The following ZNF474 variants were observed in gnomAD, a reference collection of about 807,000 sequenced individuals.
ZNF474 encodes the protein 4933409D10Rik.
For missense variants in ZNF474, 511 were observed against 433.8 expected (o/e 1.18, Z -1.58); for synonymous variants, 192 against 162.2 (o/e 1.18, Z -1.39).
rs1179914062 is a variant in ZNF474, at chr5:122,153,431, T to C, written c.*346T>C. ...TCCAACAGCCAATATTTATTGTCGG[T>C]TTATTTTAGTCATCTACCTTAGGAA... is the stretch of plus-strand genomic sequence containing the variant. On this transcript the variant is annotated 3_prime_UTR_variant, in exon 2 of 2. Coordinates refer to ENST00000296600, the MANE Select transcript of ZNF474 (RefSeq NM_207317.3). 8.9e-6 allele frequency: 2 copies of C among 224,528 alleles called. No homozygotes were observed. The highest frequency in any genetic ancestry group is 1.9e-5 in the Non-Finnish European group (2 of 106,112). The allele number at this position is 224,528 out of a possible 1,614,324, so 13.9% of individuals were successfully genotyped here. A position where few individuals can be genotyped will look rare whatever the true frequency, so the allele number is the denominator to read the frequency against.
At position 122,153,311 on chromosome 5, in the gene ZNF474, T is replaced by C. The variant is rs1479858114; in HGVS notation, c.*226T>C. On this transcript the variant is annotated 3_prime_UTR_variant, in exon 2 of 2. Coordinates refer to ENST00000296600, the MANE Select transcript of ZNF474 (RefSeq NM_207317.3). ...AAGAAGAAGAGATGGACTTCTTTCTTCCCTGATCCCTGATACAAATAATCC... is the reference window on the plus strand; with the variant it reads ...AAGAAGAAGAGATGGACTTCTTTCTCCCCTGATCCCTGATACAAATAATCC... 2.0e-6 allele frequency: 1 copy of C among 490,208 alleles called. No individual in the cohort carries two copies. Among genetic ancestry groups the C allele is most frequent in the Non-Finnish European group, 3.6e-6 (1 of 276,488 alleles). The allele number at this position is 490,208 out of a possible 1,614,324, so 30.4% of individuals were successfully genotyped here.
At chr5:122,138,186 A>T (rs1755753464) in intron 1 of ZNF474, among the ~76,000 whole-genome samples, 1 of 152,230 alleles carries the variant, frequency 6.6e-6, no homozygotes, top group African/African-American at 2.4e-5. Flanking sequence ...AAAATATAAG[A>T]AGATGATAGA....
intron 1 of ZNF474, among the ~76,000 whole-genome samples, chr5:122,141,300 A>ACTTTTTTTTTTTTTTT (rs1755839307): frequency 4.7e-5 from 3 of 64,360 alleles, no homozygotes; most frequent in South Asian, 1.6e-3. Flanking sequence ...ACCCCTGGCT[A>ACTTTTTTTTTTTTTTT]TTTTTTTTTT....
chr5:122,152,275 G>C lies in ZNF474; in HGVS notation c.285G>C (p.Arg95=). ...PVIPARRPGF[R]VCYICGREFG... is the part of the protein sequence containing the mutation. ...TCCCGGCCCGCAGGCCTGGATTCCG[G>C]GTATGCTATATCTGTGGCCGAGAAT... is the stretch of plus-strand genomic sequence containing the variant. The change falls in exon 2 of 2, where the codon CGG becomes CGC. Residue 95 remains arginine, a synonymous_variant. Coordinates refer to ENST00000296600, the MANE Select transcript of ZNF474 (RefSeq NM_207317.3). 6.2e-7 allele frequency: 1 copy of C among 1,614,176 alleles called. No individual in the cohort carries two copies.
Position 122,152,948 on chromosome 5 carries a change from T to C in ZNF474, c.958T>C (p.Leu320=). 1 of 1,614,036 alleles carries C rather than the reference T, an allele frequency of 6.2e-7. No individual in the cohort carries two copies. Among genetic ancestry groups the C allele is most frequent in the Non-Finnish European group, 8.5e-7 (1 of 1,180,032 alleles). ...TGGGCCAAAATATCAGAATTTGAAT[T>C]TAGGGAGTAAAGGAGGCCTAAAAGA... ...PYGPKYQNLN[L]GSKGGLKEYT... The change falls in exon 2 of 2, where the codon TTA becomes CTA. Residue 320 remains leucine (L), a synonymous_variant. Transcript: ENST00000296600.
In ZNF474 at chr5:122,149,294, T is replaced by C. The variant is rs181038423; in HGVS notation, c.-212-2485T>C. ...ATGTACCCCGAACCTATAATAAAAG[T>C]TGAAGAAAAAAAGTCCCCTGTCACT... On this transcript the variant is annotated intron_variant, in intron 1 of 1. Transcript: ENST00000296600. Among the ~76,000 whole-genome samples, 154 of 152,238 alleles carry C rather than the reference T, an allele frequency of 1.0e-3. 1 individual carries two copies. Among genetic ancestry groups the C allele is most frequent in the African/African-American group, 3.5e-3 (147 of 41,538 alleles).
intron 1 of ZNF474, among the ~76,000 whole-genome samples, chr5:122,150,700 T>C (rs374282182): frequency 2.6e-4 from 40 of 152,290 alleles, no homozygotes; most frequent in East Asian, 1.9e-3. Context: ...TAAAATTTAC[T>C]CATAACTTTT....
At chr5:122,148,274 G>A (rs1265906876) in intron 1 of ZNF474, among the ~76,000 whole-genome samples, 3 of 152,208 alleles carry the variant, frequency 2.0e-5, no homozygotes, top group African/African-American at 7.2e-5. Flanking sequence ...CTGGCTTCCA[G>A]CTACCTCATC....
At chr5:122,131,405 C>G (rs1051392487) in intron 1 of ZNF474, among the ~76,000 whole-genome samples, 1 of 152,010 alleles carries the variant, frequency 6.6e-6, no homozygotes, top group Non-Finnish European at 1.5e-5. Flanking sequence ...TATGTGGTAA[C>G]AAATTATCTA....
intron 1 of ZNF474, among the ~76,000 whole-genome samples, chr5:122,136,400 C>T (rs1207271856): frequency 2.6e-5 from 4 of 152,172 alleles, no homozygotes; most frequent in Non-Finnish European, 4.4e-5. Flanking sequence ...ATAAACTTAG[C>T]TCAGGGAAGC....
At chr5:122,138,644 C>A (rs908766364) in intron 1 of ZNF474, among the ~76,000 whole-genome samples, 3 of 152,160 alleles carry the variant, frequency 2.0e-5, no homozygotes, top group African/African-American at 7.2e-5. Context: ...CATATCATCA[C>A]TAAATAAGTG....
chr5:122,148,595 C>T (rs559538824), intron 1 of ZNF474, among the ~76,000 whole-genome samples: 2 of 152,232 alleles, frequency 1.3e-5, no homozygotes, highest in South Asian at 4.2e-4. Flanking sequence ...GCCCCATTCC[C>T]CCAACTGGTC....
intron 1 of ZNF474, among the ~76,000 whole-genome samples, chr5:122,147,409 T>C (rs1438247425): frequency 6.6e-6 from 1 of 152,190 alleles, no homozygotes; most frequent in African/African-American, 2.4e-5. Flanking sequence ...AGTTCTAGGG[T>C]AAATGTGCAC....
chr5:122,136,646 T>A (rs191445289), intron 1 of ZNF474, among the ~76,000 whole-genome samples: 1 of 152,222 alleles, frequency 6.6e-6, no homozygotes, highest in African/African-American at 2.4e-5. Context: ...AGTATAGTTA[T>A]GCTTTTAAAG....
At chr5:122,129,905 G>A (rs1271651704) in intron 1 of ZNF474, among the ~76,000 whole-genome samples, 3 of 152,112 alleles carry the variant, frequency 2.0e-5, no homozygotes, top group African/African-American at 4.8e-5. Flanking sequence ...AAAATCTCAA[G>A]TATTACTAAA....
chr5:122,151,871 G>A lies in ZNF474; in HGVS notation c.-120G>A. ...TCTGAGTCACGGTCTGTGAGGCTAA[G>A]GTACTGGCAACGGTGTGAACCCCAG... On this transcript the variant is annotated 5_prime_UTR_variant, in exon 2 of 2. Transcript: ENST00000296600. 6.4e-6 allele frequency: 8 copies of A among 1,253,700 alleles called. No individual in the cohort carries two copies. The South Asian group carries it at 1.2e-4, about 19-fold the overall frequency. The allele number at this position is 1,253,700 out of a possible 1,614,324, so 77.7% of individuals were successfully genotyped here.
At chr5:122,130,501 G>A (rs1397928858) in intron 1 of ZNF474, among the ~76,000 whole-genome samples, 2 of 152,042 alleles carry the variant, frequency 1.3e-5, no homozygotes, top group Admixed American at 1.3e-4. Flanking sequence ...TTTCAATGTG[G>A]GTTTTTAAGT....
chr5:122,135,270 G>C (rs1160896677), intron 1 of ZNF474, among the ~76,000 whole-genome samples: 1 of 152,112 alleles, frequency 6.6e-6, no homozygotes, highest in Non-Finnish European at 1.5e-5. Flanking sequence ...GTAAGTTAGA[G>C]ACCAGCCTGG....
intron 1 of ZNF474, among the ~76,000 whole-genome samples, chr5:122,134,866 C>A (rs1256716814): frequency 3.3e-5 from 5 of 152,110 alleles, no homozygotes; most frequent in Non-Finnish European, 7.4e-5. Flanking sequence ...AGGACTAAAT[C>A]AAATCTAAAA....
Sources: allele counts gnomAD v4.1 joint callset (sites outside exome capture counted in the v4.1 genomes callset), GRCh38; gene constraint gnomAD v4.1.1; transcripts MANE v1.5; gene names NCBI Gene and HGNC (gene_info 2026-07-23, HGNC 2026-07-21).